The following TAF6 variants were observed in gnomAD, a reference collection of about 807,000 sequenced individuals.
TAF6 encodes the protein TATA-box binding protein associated factor 6.
A neutral mutation model predicts 73.5 loss-of-function variants in TAF6; 50 were observed. The observed-to-expected ratio is 0.68, with a 90% CI of 0.54 to 0.86. The LOEUF is 0.86. Ranked by LOEUF, TAF6 falls within the 40% of genes least tolerant of loss-of-function variation. The pLI is 0.00. For synonymous variants in TAF6, 424 were observed against 376.7 expected, an observed-to-expected ratio of 1.13 and a Z score of -1.45; for missense variants, 768 against 899.5, an observed-to-expected ratio of 0.85 and a Z score of 1.87.
chr7:100,114,788 GA>G (rs1797539551), intron 1 of TAF6, among the ~76,000 whole-genome samples: 1 of 151,888 alleles, frequency 6.6e-6, no homozygotes, highest in Non-Finnish European at 1.5e-5. Context: ...CCCAAGGTAG[GA>G]GGATCGCTTG....
chr7:100,124,813 AGAG>A (rs754979369), upstream of TAF6: 14 of 1,611,554 alleles, frequency 8.7e-6, no homozygotes, highest in Non-Finnish European at 1.1e-5. Context: ...AGGAGGAGGA[AGAG>A]GAGGAAGAGG....
At chr7:100,119,158 G>T in intron 1 of TAF6, 46 bp downstream of exon 1, 1 of 987,588 alleles carries the variant, frequency 1.0e-6, no homozygotes, top group East Asian at 1.1e-4. Context: ...TCTCTCCAAT[G>T]CAGGCACACA....
upstream of TAF6, chr7:100,124,367 G>C (rs1243086168): frequency 1.6e-6 from 1 of 624,256 alleles, no homozygotes; most frequent in East Asian, 2.6e-5. Flanking sequence ...TTTGTTGAAT[G>C]AATGAGGATT....
chr7:100,122,671 C>T (rs993641499), upstream of TAF6: 3 of 1,507,198 alleles, frequency 2.0e-6, no homozygotes, highest in African/African-American at 4.2e-5. Flanking sequence ...ATCATCTCAC[C>T]ATCATGGAAC....
chr7:100,122,253 C>T (rs372440142), upstream of TAF6: 6 of 1,613,844 alleles, frequency 3.7e-6, no homozygotes, highest in African/African-American at 8.0e-5. Context: ...TTCTCCTCCC[C>T]ACCAGTGTGT....
rs4134900 is a variant in TAF6, at chr7:100,113,841, C to G, written c.243+27G>C. 127 of 1,608,126 alleles carry G rather than the reference C, an allele frequency of 7.9e-5. 1 individual carries two copies. The highest frequency in any genetic ancestry group is 3.3e-4 in the South Asian group (30 of 90,746). On this transcript the variant is annotated intron_variant, in intron 3 of 14. Coordinates refer to ENST00000453269, the MANE Select transcript of TAF6 (RefSeq NM_139315.3). ...CCTGGCTGAAGGATGGCGTCTCACC[C>G]CCCCCCCGCCTGTCTCCCCAAATCA...
chr7:100,115,029 T>TGCAGGG (rs1276271268), intron 1 of TAF6, among the ~76,000 whole-genome samples: 1 of 152,092 alleles, frequency 6.6e-6, no homozygotes, highest in African/African-American at 2.4e-5. Context: ...GCCAATTTTT[T>TGCAGGG]GCAGGGGCAG....
upstream of TAF6, chr7:100,121,116 A>ATT (rs1163501525): frequency 1.7e-4 from 9 of 52,774 alleles, 1 homozygote; most frequent in African/African-American, 4.8e-4. Context: ...ATATATATAT[A>ATT]TTTTTTTTTT....
Position 100,108,504 on chromosome 7 carries a change from G to C in TAF6, c.1321C>G (p.Pro441Ala). The C allele has an allele frequency of 6.2e-7, 1 of 1,613,406 alleles. No individual in the cohort carries two copies. Among genetic ancestry groups the C allele is most frequent in the Non-Finnish European group, 8.5e-7 (1 of 1,179,456 alleles). ...CGATAGGCGTCCTGATTGTCAGGCGGTGGGCGCAGCTTTGCCAGAACAGGA... is the reference window on the plus strand; with the variant it reads ...CGATAGGCGTCCTGATTGTCAGGCGCTGGGCGCAGCTTTGCCAGAACAGGA... ...CAPVLAKLRP[P>A]PDNQDAYRAE... Residue 441 changes from proline to alanine, a missense_variant, in exon 13 of 15, where the codon CCG (proline) becomes GCG (alanine). Physicochemically the swap from Pro to Ala is conservative, Grantham distance 27. Around this residue, in one of 5 missense-constraint regions of TAF6, gnomAD observed 350 missense variants for 352.3 expected, o/e 0.99. Transcript: ENST00000453269.
intron 12 of TAF6, among the ~76,000 whole-genome samples, chr7:100,109,324 CAAAA>C (rs765091540): frequency 2.7e-5 from 3 of 109,606 alleles, no homozygotes; most frequent in African/African-American, 6.8e-5. Context: ...GACTCCATCT[CAAAA>C]AAAAAAAAAG....
At chr7:100,109,911 C>G in intron 12 of TAF6, 37 bp downstream of exon 12, 1 of 1,608,378 alleles carries the variant, frequency 6.2e-7, no homozygotes, top group Non-Finnish European at 8.5e-7. Flanking sequence ...CTGCCTGTGT[C>G]TCAGTGGGCA....
chr7:100,112,999 T>C, intron 5 of TAF6, 82 bp from the exon 6 acceptor site: 2 of 1,531,104 alleles, frequency 1.3e-6, no homozygotes, highest in Non-Finnish European at 1.8e-6. Context: ...ATGCGGTGGC[T>C]CATGCCTGTA....
Position 100,107,518 on chromosome 7 carries a change from C to T in TAF6, c.1762G>A (p.Ala588Thr), listed in dbSNP as rs560508346. 2.5e-6 allele frequency: 4 copies of T among 1,613,910 alleles called. No individual in the cohort carries two copies. The highest frequency in any genetic ancestry group is 1.1e-5 in the South Asian group (1 of 91,066). The change falls in exon 15 of 15, where the codon GCC (alanine) becomes ACC (threonine). Residue 588 changes from alanine (A) to threonine (T), a missense_variant. Physicochemically the swap from Ala to Thr is moderately conservative, Grantham distance 58. This residue lies in a region of TAF6 where 350 missense variants were observed against 352.3 expected (regional missense o/e 0.99). Coordinates refer to ENST00000453269, the MANE Select transcript of TAF6 (RefSeq NM_139315.3). ...GCAGTGCTGGGGGGTGCGGTGGTGGCGGTGGAGACCAACTTGACGATGGGC... is the reference window on the plus strand; with the variant it reads ...GCAGTGCTGGGGGGTGCGGTGGTGGTGGTGGAGACCAACTTGACGATGGGC... ...VQPIVKLVST[A>T]TTAPPSTAPS...
upstream of TAF6, chr7:100,122,908 T>TA: frequency 1.2e-6 from 2 of 1,611,562 alleles, no homozygotes; most frequent in Non-Finnish European, 8.5e-7. Context: ...AAGAAGCAGG[T>TA]AGGATAAGAC....
chr7:100,126,700 T>G, the TAF6 span: 1 of 152,176 alleles, frequency 6.6e-6, no homozygotes, highest in Non-Finnish European at 1.5e-5. Flanking sequence ...TCCCAGATAC[T>G]CGGGACGCTG....
chr7:100,113,281 T>G, intron 5 of TAF6, 68 bp downstream of exon 5: 2 of 1,395,362 alleles, frequency 1.4e-6, no homozygotes. Flanking sequence ...AGACTCTGTC[T>G]CAAAAAAAAA....
At position 100,108,645 on chromosome 7, in the gene TAF6, AAAG is replaced by A. The variant is rs542521008; in HGVS notation, c.1285-108_1285-106del. 3.4e-5 allele frequency: 45 copies of A among 1,308,624 alleles called. No homozygotes were observed. The Admixed American group carries it at 7.9e-4, about 23-fold the overall frequency. The allele number at this position is 1,308,624 out of a possible 1,614,324, so 81.1% of individuals were successfully genotyped here. ...AGAAGAACCTTGGGGATGGGGTAAA[AAAG>A]GACATTCCTTATCATCTCAGTGCCC... On this transcript the variant is annotated intron_variant, in intron 12 of 14. Coordinates refer to ENST00000453269, the MANE Select transcript of TAF6 (RefSeq NM_139315.3).
rs1797152168 is a variant in TAF6 at position 100,111,176 on chromosome 7, T to C, written c.1046A>G (p.Asn349Ser). 1.9e-6 allele frequency: 3 copies of C among 1,614,074 alleles called. No homozygotes were observed. Among genetic ancestry groups the C allele is most frequent in the Non-Finnish European group, 2.5e-6 (3 of 1,180,024 alleles). Residue 349 changes from asparagine (N) to serine (S), a missense_variant, in exon 10 of 15, where the codon AAC becomes AGC. Asn to Ser is a conservative substitution (Grantham distance 46). Transcript: ENST00000453269. ...CTTGGTGATCCGGGACTGGATGTTG[T>C]TAGTGGTTGTGCTAAAATGCTTGCA... is the stretch of plus-strand genomic sequence containing the variant. The part of the protein sequence containing the change: ...QICKHFSTTT[N>S]NIQSRITKTF...
intron 4 of TAF6, 36 bp from the exon 5 acceptor site, chr7:100,113,441 G>A (rs775243909): frequency 4.5e-6 from 7 of 1,550,518 alleles, no homozygotes; most frequent in Admixed American, 2.0e-5. Flanking sequence ...GAATTGCCAC[G>A]CATGGACATT....
Sources: allele counts gnomAD v4.1 joint callset (sites outside exome capture counted in the v4.1 genomes callset), GRCh38; gene constraint gnomAD v4.1.1; regional missense constraint gnomAD v4.1.1; transcripts MANE v1.5; gene names NCBI Gene and HGNC (gene_info 2026-07-23, HGNC 2026-07-21).